Variants in LIN28B observed in about 807,000 individuals in gnomAD.
The protein encoded by LIN28B is lin-28 RNA binding posttranscriptional regulator B, also known as protein lin-28 homolog B.
LIN28B carries 5 observed loss-of-function variants against 21.9 expected under a neutral mutation model. The observed-to-expected ratio is 0.23, with a 90% CI of 0.12 to 0.48. LIN28B has a LOEUF of 0.48. LIN28B is among the 20% of genes least tolerant of loss of function. The pLI is 0.98. For missense variants in LIN28B, 245 were observed against 310.5 expected (o/e 0.79, Z 1.58); for synonymous variants, 109 against 111.3 (o/e 0.98, Z 0.13).
intron 3 of LIN28B, among the ~76,000 whole-genome samples, chr6:105,065,313 C>CT (rs1232968027): frequency 6.6e-6 from 1 of 152,196 alleles, no homozygotes; most frequent in East Asian, 1.9e-4. Context: ...CCATACAAGA[C>CT]TTTATCTTGA....
chr6:105,009,457 G>C (rs990374046), intron 2 of LIN28B, among the ~76,000 whole-genome samples: 7 of 152,162 alleles, frequency 4.6e-5, no homozygotes, highest in East Asian at 1.9e-4. Flanking sequence ...GGGTTTTTTG[G>C]GGGGGAGGCG....
intron 2 of LIN28B, among the ~76,000 whole-genome samples, chr6:104,974,164 G>A (rs1035001041): frequency 6.6e-6 from 1 of 152,142 alleles, no homozygotes; most frequent in East Asian, 1.9e-4. Context: ...AAGACTGTTT[G>A]TGAAGTTGGT....
At chr6:105,050,608 C>CAAAAAAA (rs61464567) in intron 3 of LIN28B, among the ~76,000 whole-genome samples, 1,075 of 47,534 alleles carry the variant, frequency 0.023, 250 homozygotes, top group Non-Finnish European at 0.03. Context: ...GACTCCGTCT[C>CAAAAAAA]AAAAAAAAAA....
At chr6:104,994,681 T>G (rs1002009581) in intron 2 of LIN28B, among the ~76,000 whole-genome samples, 11 of 152,208 alleles carry the variant, frequency 7.2e-5, no homozygotes, top group Non-Finnish European at 1.0e-4. Flanking sequence ...GCAGTAATTC[T>G]CAACAGAGAA....
chr6:104,966,057 A>G (rs942107788), intron 2 of LIN28B, among the ~76,000 whole-genome samples: 2 of 152,214 alleles, frequency 1.3e-5, no homozygotes, highest in Admixed American at 1.3e-4. Context: ...CCCACTTTGT[A>G]TAGGGCTGTT....
At chr6:105,056,625 A>G (rs1772028891) in intron 3 of LIN28B, among the ~76,000 whole-genome samples, 1 of 152,084 alleles carries the variant, frequency 6.6e-6, no homozygotes, top group African/African-American at 2.4e-5. Flanking sequence ...CCAAACAACA[A>G]AGTCTGCTGC....
intron 3 of LIN28B, among the ~76,000 whole-genome samples, chr6:105,045,923 C>G (rs553975570): frequency 1.3e-4 from 19 of 151,748 alleles, no homozygotes; most frequent in African/African-American, 4.3e-4. Context: ...ATCTAAAACC[C>G]ATCTTCTTTC....
At chr6:104,959,463 A>G (rs1769679319) in intron 2 of LIN28B, among the ~76,000 whole-genome samples, 1 of 152,234 alleles carries the variant, frequency 6.6e-6, no homozygotes, top group Non-Finnish European at 1.5e-5. Context: ...TTAAATATAT[A>G]AACAATAGAA....
intron 2 of LIN28B, among the ~76,000 whole-genome samples, chr6:104,990,394 T>C (rs1562083778): frequency 1.3e-5 from 2 of 151,988 alleles, no homozygotes; most frequent in African/African-American, 2.4e-5. Flanking sequence ...GAGAATCTGA[T>C]AATAATATGG....
chr6:105,028,806 A>G (rs1355185099), intron 3 of LIN28B, among the ~76,000 whole-genome samples: 14 of 152,192 alleles, frequency 9.2e-5, no homozygotes, highest in Admixed American at 9.2e-4. Context: ...CAAAAAGATG[A>G]TATTTACAGC....
intron 2 of LIN28B, among the ~76,000 whole-genome samples, chr6:104,959,459 A>G (rs181221260): frequency 5.4e-4 from 82 of 152,334 alleles, no homozygotes; most frequent in African/African-American, 1.7e-3. Context: ...CAAATTAAAT[A>G]TATAAACAAT....
At chr6:104,976,194 G>T (rs887021948) in intron 2 of LIN28B, among the ~76,000 whole-genome samples, 5 of 152,140 alleles carry the variant, frequency 3.3e-5, no homozygotes, top group East Asian at 1.9e-4. Context: ...TTCTGACCTC[G>T]TGGAGCTTAA....
intron 2 of LIN28B, among the ~76,000 whole-genome samples, chr6:105,011,839 C>T (rs922778040): frequency 1.1e-4 from 16 of 150,890 alleles, no homozygotes; most frequent in South Asian, 2.1e-4. Flanking sequence ...AGTGAGACTC[C>T]GTCTCTCCAA....
rs1381231121 is a variant in LIN28B at position 105,080,692 on chromosome 6, C to G, written c.*1909C>G. 6.6e-6 allele frequency: 1 copy of G among 152,564 alleles called. No homozygotes were observed. The highest frequency in any genetic ancestry group is 2.4e-5 in the African/African-American group (1 of 41,434). 9.5% of individuals were successfully genotyped at this position (152,564 alleles called of 1,614,324 possible). ...TTCAAACTTATTTAAATTATGTAGACAAATCAAAGTGGCATTGCTTAATTT... is the reference window on the plus strand; with the variant it reads ...TTCAAACTTATTTAAATTATGTAGAGAAATCAAAGTGGCATTGCTTAATTT... On this transcript the variant is annotated 3_prime_UTR_variant, in exon 4 of 4. Coordinates refer to ENST00000345080, the MANE Select transcript of LIN28B (RefSeq NM_001004317.4).
At chr6:105,035,834 A>G (rs1026818363) in intron 3 of LIN28B, among the ~76,000 whole-genome samples, 14 of 152,332 alleles carry the variant, frequency 9.2e-5, no homozygotes, top group Admixed American at 3.3e-4. Context: ...AAATTGGGAA[A>G]ATATTTACTT....
In LIN28B at chr6:105,083,309, TA is replaced by T. The variant is rs1472279393; in HGVS notation, c.*4530del. ...TTTAAAAAAATTACTTGATTAAAAA[TA>T]AAACATATAACGTTGGCATTTATGA... is the stretch of plus-strand genomic sequence containing the variant. On this transcript the variant is annotated 3_prime_UTR_variant, in exon 4 of 4. Transcript: ENST00000345080. 6.6e-6 allele frequency: 1 copy of T among 152,244 alleles called. No homozygotes were observed. Among genetic ancestry groups the T allele is most frequent in the Non-Finnish European group, 1.5e-5 (1 of 68,030 alleles). The allele number at this position is 152,244 out of a possible 1,614,324, so 9.4% of individuals were successfully genotyped here.
At chr6:105,030,900 T>C (rs2114348959) in intron 3 of LIN28B, among the ~76,000 whole-genome samples, 1 of 152,246 alleles carries the variant, frequency 6.6e-6, no homozygotes, top group African/African-American at 2.4e-5. Context: ...CTTGGATTAA[T>C]TTCTGTTATA....
At chr6:105,058,049 T>A (rs190412599) in intron 3 of LIN28B, 7 of 382,966 alleles carry the variant, frequency 1.8e-5, no homozygotes, top group African/African-American at 1.5e-4. Flanking sequence ...GAAATTCATA[T>A]TTCTTGAACT....
At chr6:105,077,819 A>G (rs1772464672) in intron 3 of LIN28B, among the ~76,000 whole-genome samples, 1 of 152,104 alleles carries the variant, frequency 6.6e-6, no homozygotes. Flanking sequence ...TTCTGACTAG[A>G]CTCTGACTTT....
Sources: gnomAD v4.1 joint callset for allele counts (sites outside exome capture counted in the v4.1 genomes callset) on GRCh38, gnomAD v4.1.1 for gene constraint, MANE v1.5 for transcripts, NCBI Gene and HGNC (gene_info 2026-07-23, HGNC 2026-07-21) for gene names.